The following CPNE5 variants were observed in gnomAD, a reference collection of about 807,000 sequenced individuals.
CPNE5 encodes the protein copine-5.
In CPNE5, 42 loss-of-function variants were observed where a neutral mutation model predicts 81.1. That is an observed-to-expected ratio of 0.52 (90% CI 0.40 to 0.67). CPNE5 has a LOEUF of 0.67. Ranked by LOEUF, CPNE5 falls within the 30% of genes least tolerant of loss-of-function variation. The probability of loss-of-function intolerance (pLI) is 0.00; values close to 1 mark genes in which losing one functional copy is unlikely to be tolerated. For missense variants in CPNE5, 612 were observed against 815.5 expected, an observed-to-expected ratio of 0.75 and a Z score of 3.04; for synonymous variants, 313 against 321.5, an observed-to-expected ratio of 0.97 and a Z score of 0.28.
chr6:36,783,364 A>G (rs1470376287), intron 8 of CPNE5, among the ~76,000 whole-genome samples: 1 of 136,066 alleles, frequency 7.3e-6, no homozygotes, highest in Admixed American at 8.0e-5. Flanking sequence ...ATACCCCTGA[A>G]CTTGCAGTAA....
At chr6:36,771,088 C>G (rs528432563) in intron 10 of CPNE5, among the ~76,000 whole-genome samples, 1 of 152,102 alleles carries the variant, frequency 6.6e-6, no homozygotes, top group African/African-American at 2.4e-5. Flanking sequence ...CTCTCCTCTC[C>G]CCTCTGAATT....
chr6:36,794,480 G>T, intron 7 of CPNE5, 110 bp downstream of exon 7: 1 of 1,040,678 alleles, frequency 9.6e-7, no homozygotes, highest in Non-Finnish European at 1.5e-6. Context: ...CCGGATCAGG[G>T]CCAAATTCGC....
At chr6:36,802,987 G>A (rs1186478410) in intron 3 of CPNE5, among the ~76,000 whole-genome samples, 1 of 152,152 alleles carries the variant, frequency 6.6e-6, no homozygotes, top group Non-Finnish European at 1.5e-5. Context: ...AAACCCAGGT[G>A]GAGGTCGCAG....
chr6:36,808,588 G>T lies in CPNE5; in HGVS notation c.184-8518C>A, dbSNP rs138852739. Among the ~76,000 whole-genome samples the T allele has an allele frequency of 3.3e-4, 50 of 152,188 alleles. No individual in the cohort carries two copies. The East Asian group carries it at 9.1e-3, about 28-fold the overall frequency. On this transcript the variant is annotated intron_variant, in intron 3 of 20. Coordinates refer to ENST00000244751, the MANE Select transcript of CPNE5 (RefSeq NM_020939.2). ...CCCAGGCCTGCCTTGTGTTGCTTAC[G>T]ATCTGCCTGAGACACCCCCTGAGAG...
intron 8 of CPNE5, among the ~76,000 whole-genome samples, chr6:36,786,278 A>C (rs1000528392): frequency 6.6e-6 from 1 of 152,190 alleles, no homozygotes; most frequent in Non-Finnish European, 1.5e-5. Context: ...TGGCAGAAGC[A>C]GGAAACCTGG....
chr6:36,793,681 C>T (rs961701163), intron 7 of CPNE5, among the ~76,000 whole-genome samples: 2 of 152,186 alleles, frequency 1.3e-5, no homozygotes, highest in African/African-American at 2.4e-5. Context: ...CTTCTCTACT[C>T]TCCAGGTGAA....
chr6:36,783,664 C>T (rs114441543), intron 8 of CPNE5, among the ~76,000 whole-genome samples: 2,114 of 152,204 alleles, frequency 0.014, 19 homozygotes, highest in Non-Finnish European at 0.02. Context: ...CCACCATGCC[C>T]CATGCCCAGC....
intron 10 of CPNE5, among the ~76,000 whole-genome samples, chr6:36,770,680 T>C (rs1766966646): frequency 1.3e-5 from 2 of 152,072 alleles, no homozygotes; most frequent in Non-Finnish European, 2.9e-5. Context: ...ACCAGATCTC[T>C]GGCCACCCCC....
chr6:36,807,437 G>C (rs1007956), intron 3 of CPNE5, among the ~76,000 whole-genome samples: 29,464 of 152,142 alleles, frequency 0.19, 3,022 homozygotes, highest in East Asian at 0.26. Flanking sequence ...ACTTAGAAGA[G>C]AGCCTGGGAC....
At chr6:36,825,286 G>A (rs1297796626) in intron 1 of CPNE5, among the ~76,000 whole-genome samples, 1 of 152,182 alleles carries the variant, frequency 6.6e-6, no homozygotes, top group Non-Finnish European at 1.5e-5. Flanking sequence ...TCTGGTGCCT[G>A]GGGAAGCCCC....
intron 7 of CPNE5, chr6:36,792,365 G>A: frequency 1.3e-6 from 2 of 1,501,874 alleles, no homozygotes; most frequent in East Asian, 2.6e-5. Flanking sequence ...TGCAGTGAAA[G>A]TCCTAGAATT....
intron 14 of CPNE5, among the ~76,000 whole-genome samples, chr6:36,750,914 T>A (rs922574572): frequency 6.6e-6 from 1 of 152,198 alleles, no homozygotes; most frequent in African/African-American, 2.4e-5. Context: ...GGAAAGCAGA[T>A]CCTCTTGTGG....
intron 3 of CPNE5, among the ~76,000 whole-genome samples, chr6:36,806,786 A>G (rs1770633410): frequency 6.6e-6 from 1 of 152,220 alleles, no homozygotes; most frequent in Non-Finnish European, 1.5e-5. Context: ...TGTCACCAAG[A>G]AAGTGCATGA....
At chr6:36,811,772 G>A (rs1771123569) in intron 3 of CPNE5, among the ~76,000 whole-genome samples, 1 of 152,092 alleles carries the variant, frequency 6.6e-6, no homozygotes, top group Admixed American at 6.6e-5. Flanking sequence ...ATTCACGGTG[G>A]ATCCTGGAGC....
intron 8 of CPNE5, among the ~76,000 whole-genome samples, chr6:36,788,414 G>A (rs1294450060): frequency 6.6e-6 from 1 of 152,110 alleles, no homozygotes; most frequent in East Asian, 1.9e-4. Context: ...ACTGTTCCCT[G>A]TACCGTGAGG....
At chr6:36,792,160 C>T (rs1582903894) in intron 7 of CPNE5, 64 bp from the exon 8 acceptor site, 1 of 1,497,380 alleles carries the variant, frequency 6.7e-7, no homozygotes, top group African/African-American at 1.4e-5. Context: ...ACCTGACACT[C>T]CCTCAATCAG....
intron 3 of CPNE5, among the ~76,000 whole-genome samples, chr6:36,802,362 T>C (rs566133037): frequency 2.0e-5 from 3 of 150,632 alleles, no homozygotes; most frequent in African/African-American, 4.9e-5. Context: ...GAGGCTAAGG[T>C]TGGGGGATGG....
chr6:36,793,861 G>A (rs1372232913), intron 7 of CPNE5, among the ~76,000 whole-genome samples: 9 of 152,228 alleles, frequency 5.9e-5, no homozygotes, highest in Non-Finnish European at 1.5e-5. Context: ...CCCTTCTGCA[G>A]AGGCCCCTCC....
chr6:36,796,790 A>C (rs983678899), intron 6 of CPNE5, among the ~76,000 whole-genome samples: 1 of 152,210 alleles, frequency 6.6e-6, no homozygotes, highest in Non-Finnish European at 1.5e-5. Flanking sequence ...CTAGGAACCC[A>C]GAGATGAGAC....
Sources: allele counts gnomAD v4.1 joint callset (sites outside exome capture counted in the v4.1 genomes callset), GRCh38; gene constraint gnomAD v4.1.1; transcripts MANE v1.5; gene names NCBI Gene and HGNC (gene_info 2026-07-23, HGNC 2026-07-21).